Variants in HSPA4L observed in about 807,000 individuals in gnomAD.
The protein encoded by HSPA4L is heat shock protein family A (Hsp70) member 4 like, also known as heat shock 70 kDa protein 4L.
In HSPA4L, 48 loss-of-function variants were observed where a neutral mutation model predicts 100.3. That is an observed-to-expected ratio of 0.48 (90% CI 0.38 to 0.61). The LOEUF (loss-of-function observed/expected upper bound fraction) is 0.61, where lower values mean the gene tolerates loss of function less well. Among genes scored for constraint, HSPA4L ranks in the 20% least tolerant of loss-of-function variants. The pLI, the probability that HSPA4L is intolerant of heterozygous loss-of-function variation, is 0.00. For synonymous variants in HSPA4L, 319 were observed against 328.2 expected (o/e 0.97, Z 0.30); for missense variants, 886 against 988.6 (o/e 0.90, Z 1.39).
chr4:127,812,618 A>T (rs1271522516), intron 12 of HSPA4L: 8 of 647,480 alleles, frequency 1.2e-5, no homozygotes, highest in Non-Finnish European at 1.9e-5. Flanking sequence ...GTCTAATTAC[A>T]ATTGGAAGTC....
chr4:127,796,219 A>G (rs1733017873), intron 3 of HSPA4L, among the ~76,000 whole-genome samples: 1 of 152,148 alleles, frequency 6.6e-6, no homozygotes, highest in South Asian at 2.1e-4. Flanking sequence ...AATTCAGAAG[A>G]ATGGACCCAA....
In HSPA4L at chr4:127,839,204, A is replaced by C. The variant is rs945018161; in HGVS notation, c.*6330A>C. On this transcript the variant is annotated 3_prime_UTR_variant, in exon 19 of 19. Coordinates refer to ENST00000296464, the MANE Select transcript of HSPA4L (RefSeq NM_014278.4). ...TGTTGTGCATCTTCCTTGTTGTTTT[A>C]GAGTTTCCTAAATTTTTTGCTTCTG... 6.6e-6 allele frequency: 1 copy of C among 152,152 alleles called. No individual in the cohort carries two copies. The highest frequency in any genetic ancestry group is 2.4e-5 in the African/African-American group (1 of 41,438). The allele number at this position is 152,152 out of a possible 1,614,324, so 9.4% of individuals were successfully genotyped here.
intron 16 of HSPA4L, among the ~76,000 whole-genome samples, chr4:127,824,874 C>T (rs531870329): frequency 5.9e-5 from 9 of 152,294 alleles, no homozygotes; most frequent in Admixed American, 2.6e-4. Context: ...CAGTGGCTCA[C>T]GCCTCTAATC....
chr4:127,823,644 A>G lies in HSPA4L; in HGVS notation c.2046+20A>G, dbSNP rs1182474721. The G allele has an allele frequency of 7.4e-6, 11 of 1,480,498 alleles. No homozygotes were observed. The South Asian group carries it at 8.0e-5, about 11-fold the overall frequency. 91.7% of individuals were successfully genotyped at this position (1,480,498 alleles called of 1,614,324 possible). A position where few individuals can be genotyped will look rare whatever the true frequency, so the allele number is the denominator to read the frequency against. On this transcript the variant is annotated intron_variant, in intron 16 of 18. Transcript: ENST00000296464. ...CTAAAGGTACATTTTTTTAAAGTCC[A>G]TGTTAGTATAAACCAGTAACTTTTT...
At chr4:127,785,131 A>G (rs1732678711) in intron 1 of HSPA4L, among the ~76,000 whole-genome samples, 1 of 152,240 alleles carries the variant, frequency 6.6e-6, no homozygotes, top group African/African-American at 2.4e-5. Context: ...TAAGGGACAA[A>G]AGACAAGTTA....
intron 18 of HSPA4L, among the ~76,000 whole-genome samples, chr4:127,831,261 G>A (rs1020545295): frequency 5.3e-5 from 8 of 152,032 alleles, no homozygotes; most frequent in Non-Finnish European, 8.8e-5. Context: ...GCACTTTGGG[G>A]GGGTTGAGAC....
chr4:127,829,631 C>T (rs1734030452), intron 17 of HSPA4L, among the ~76,000 whole-genome samples: 1 of 151,984 alleles, frequency 6.6e-6, no homozygotes. Flanking sequence ...ATGAAGTTTC[C>T]ATTTGCTGAG....
intron 12 of HSPA4L, among the ~76,000 whole-genome samples, chr4:127,813,773 G>T (rs1252394840): frequency 6.6e-6 from 1 of 152,146 alleles, no homozygotes; most frequent in African/African-American, 2.4e-5. Flanking sequence ...CTCCCAAGTA[G>T]CTGGGACTAC....
intron 2 of HSPA4L, among the ~76,000 whole-genome samples, chr4:127,795,022 A>G (rs1732979073): frequency 6.6e-6 from 1 of 152,176 alleles, no homozygotes; most frequent in Non-Finnish European, 1.5e-5. Flanking sequence ...GCACTATGCT[A>G]CATGGAAGGG....
chr4:127,809,546 G>A (rs1560661927), intron 11 of HSPA4L: 5 of 748,420 alleles, frequency 6.7e-6, no homozygotes. Flanking sequence ...TTCAGTGCTA[G>A]ATGAACTGTG....
intron 1 of HSPA4L, among the ~76,000 whole-genome samples, chr4:127,785,641 T>C (rs905624756): frequency 1.3e-5 from 2 of 152,128 alleles, no homozygotes; most frequent in Admixed American, 6.6e-5. Flanking sequence ...TTCACCATGT[T>C]GTCCAGGCTG....
intron 16 of HSPA4L, among the ~76,000 whole-genome samples, chr4:127,824,109 C>T (rs1391561143): frequency 6.6e-6 from 1 of 152,124 alleles, no homozygotes; most frequent in African/African-American, 2.4e-5. Context: ...TCTTTTTGTG[C>T]CTGGCTTATT....
rs911451457 is a variant in HSPA4L at position 127,836,256 on chromosome 4, A to T, written c.*3382A>T. 1.3e-5 allele frequency: 2 copies of T among 152,234 alleles called. No homozygotes were observed. Among genetic ancestry groups the T allele is most frequent in the Non-Finnish European group, 2.9e-5 (2 of 68,522 alleles). The allele number at this position is 152,234 out of a possible 1,614,324, so 9.4% of individuals were successfully genotyped here. ...GTGGCGGGCGCCGGTAGTCCCAGCT[A>T]CTCAGGAGGCTGAGGCAGGAGAATG... On this transcript the variant is annotated 3_prime_UTR_variant, in exon 19 of 19. Transcript: ENST00000296464.
At chr4:127,809,729 A>T (rs1405663503) in intron 11 of HSPA4L, among the ~76,000 whole-genome samples, 1 of 152,156 alleles carries the variant, frequency 6.6e-6, no homozygotes, top group Non-Finnish European at 1.5e-5. Flanking sequence ...CAGTAATCAG[A>T]CTCTGAACTG....
At chr4:127,795,494 G>T (rs754165814) in intron 2 of HSPA4L, among the ~76,000 whole-genome samples, 1 of 152,074 alleles carries the variant, frequency 6.6e-6, no homozygotes, top group Non-Finnish European at 1.5e-5. Context: ...AATTTGAAAC[G>T]TTTTAAAGGT....
chr4:127,822,441 G>C (rs993985330), intron 14 of HSPA4L, among the ~76,000 whole-genome samples: 3 of 151,804 alleles, frequency 2.0e-5, no homozygotes, highest in Non-Finnish European at 2.9e-5. Context: ...TCTACTTTTT[G>C]GCTATTGTGA....
chr4:127,801,877 T>C lies in HSPA4L; in HGVS notation c.622T>C (p.Tyr208His). 1 of 1,609,938 alleles carries C rather than the reference T, an allele frequency of 6.2e-7. No individual in the cohort carries two copies. Among genetic ancestry groups the C allele is most frequent in the Non-Finnish European group, 8.5e-7 (1 of 1,177,716 alleles). ...VVFIDMGHSAYQVLVCAFNKG... is the reference protein window; with the variant it reads ...VVFIDMGHSAHQVLVCAFNKG... ...ATTTATTGATATGGGACATTCTGCCTATCAGGTCTTGGTTTGTGCTTTTAA... is the reference window on the plus strand; with the variant it reads ...ATTTATTGATATGGGACATTCTGCCCATCAGGTCTTGGTTTGTGCTTTTAA... The change falls in exon 6 of 19, where the codon TAT becomes CAT. Residue 208 changes from tyrosine to histidine, a missense_variant. Coordinates refer to ENST00000296464, the MANE Select transcript of HSPA4L (RefSeq NM_014278.4).
chr4:127,794,452 A>G (rs942705180), intron 2 of HSPA4L, among the ~76,000 whole-genome samples: 2 of 152,106 alleles, frequency 1.3e-5, no homozygotes, highest in Admixed American at 1.3e-4. Flanking sequence ...TCTAGAACAT[A>G]CATTTCAATG....
chr4:127,814,345 T>C (rs1397395056), intron 12 of HSPA4L, among the ~76,000 whole-genome samples: 27 of 152,186 alleles, frequency 1.8e-4, no homozygotes, highest in Admixed American at 1.8e-3. Flanking sequence ...AGAAAAAAGG[T>C]AGCTAACATT....
Sources: gnomAD v4.1 joint callset for allele counts (sites outside exome capture counted in the v4.1 genomes callset) on GRCh38, gnomAD v4.1.1 for gene constraint, MANE v1.5 for transcripts, NCBI Gene and HGNC (gene_info 2026-07-23, HGNC 2026-07-21) for gene names.